FGF12: variants seen among roughly 807,000 people sequenced by gnomAD.
The protein encoded by FGF12 is fibroblast growth factor 12B.
A neutral mutation model predicts 23.6 loss-of-function variants in FGF12; 14 were observed. That is an observed-to-expected ratio of 0.59 (90% CI 0.39 to 0.93). FGF12 has a LOEUF of 0.93. Among genes scored for constraint, FGF12 ranks in the 40% least tolerant of loss-of-function variants. The pLI is 0.00. For missense variants in FGF12, 175 were observed against 217.8 expected, an observed-to-expected ratio of 0.80 and a Z score of 1.24; for synonymous variants, 62 against 77.3, an observed-to-expected ratio of 0.80 and a Z score of 1.04.
Position 192,288,026 on chromosome 3 carries a change from T to A in FGF12, c.228+47335A>T, listed in dbSNP as rs1186297199. On this transcript the variant is annotated intron_variant, in intron 4 of 5. Transcript: ENST00000445105. ...TATTGTTTAATAAGGCACTAATCAC[T>A]AATCACTCCTAGAAATAAGTTGAAG... is the stretch of plus-strand genomic sequence containing the variant. Among the ~76,000 whole-genome samples the A allele has an allele frequency of 2.8e-4, 42 of 151,430 alleles. 1 individual carries two copies.
At chr3:192,252,462 CAAAAAAAAAA>C (rs56920518) in intron 4 of FGF12, among the ~76,000 whole-genome samples, 1,415 of 27,530 alleles carry the variant, frequency 0.051, 41 homozygotes, top group African/African-American at 0.15. Context: ...GAATCTGTCT[CAAAAAAAAAA>C]AAAAAAAAAA....
intron 2 of FGF12, among the ~76,000 whole-genome samples, chr3:192,671,214 C>G (rs1351465741): frequency 6.6e-6 from 1 of 152,188 alleles, no homozygotes; most frequent in Admixed American, 6.5e-5. Flanking sequence ...TGAAGTTAGA[C>G]AGCAGGAAAA....
intron 2 of FGF12, among the ~76,000 whole-genome samples, chr3:192,558,657 G>C (rs886981699): frequency 6.6e-6 from 1 of 151,680 alleles, no homozygotes; most frequent in African/African-American, 2.4e-5. Flanking sequence ...TGATTTGAGA[G>C]AGAAGAATAA....
chr3:192,305,673 A>ATATAT (rs1220775469), intron 4 of FGF12, among the ~76,000 whole-genome samples: 2 of 117,692 alleles, frequency 1.7e-5, no homozygotes, highest in East Asian at 5.8e-4. Context: ...TAGGAAAAAA[A>ATATAT]AAAAAAATAT....
intron 5 of FGF12, among the ~76,000 whole-genome samples, chr3:192,163,621 G>C (rs141650150): frequency 3.9e-5 from 6 of 152,184 alleles, no homozygotes; most frequent in African/African-American, 1.4e-4. Flanking sequence ...TAGAGTCCTA[G>C]GTCATACATA....
intron 2 of FGF12, among the ~76,000 whole-genome samples, chr3:192,703,812 G>A (rs568477997): frequency 1.8e-4 from 28 of 152,244 alleles, no homozygotes; most frequent in Admixed American, 1.8e-3. Context: ...GAGATCTGAT[G>A]GTTTTATAAG....
At chr3:192,466,792 G>A (rs1169325634) in intron 2 of FGF12, among the ~76,000 whole-genome samples, 3 of 152,180 alleles carry the variant, frequency 2.0e-5, no homozygotes, top group African/African-American at 7.2e-5. Context: ...GGGTATGGAA[G>A]AGTTGAAATC....
At chr3:192,484,828 T>C (rs920195198) in intron 2 of FGF12, among the ~76,000 whole-genome samples, 1 of 152,198 alleles carries the variant, frequency 6.6e-6, no homozygotes, top group Admixed American at 6.6e-5. Context: ...ACTGTGCAAC[T>C]TGTTGGCTAT....
chr3:192,397,706 A>G (rs1720583725), intron 2 of FGF12, among the ~76,000 whole-genome samples: 1 of 152,170 alleles, frequency 6.6e-6, no homozygotes, highest in Admixed American at 6.5e-5. Flanking sequence ...CAAATGTAAT[A>G]TTGTATGTAG....
chr3:192,600,449 A>G (rs774544764), intron 2 of FGF12, among the ~76,000 whole-genome samples: 12 of 152,074 alleles, frequency 7.9e-5, no homozygotes, highest in Admixed American at 3.9e-4. Context: ...TTTGATAGAG[A>G]TTTCACTGAA....
Position 192,351,472 on chromosome 3 carries a change from T to A in FGF12, c.124+8956A>T, listed in dbSNP as rs537685616. Among the ~76,000 whole-genome samples the A allele has an allele frequency of 1.3e-3, 196 of 152,320 alleles. No individual in the cohort carries two copies. The Middle Eastern group carries it at 0.017, about 13-fold the overall frequency. ...TCGTTTAAAGTTCTGTTCTGTTATT[T>A]TGATTTAACAAACATTGAGTGAAAG... is the stretch of plus-strand genomic sequence containing the variant. On this transcript the variant is annotated intron_variant, in intron 3 of 5. Transcript: ENST00000445105.
intron 2 of FGF12, among the ~76,000 whole-genome samples, chr3:192,545,722 T>A (rs912325357): frequency 6.6e-6 from 1 of 152,226 alleles, no homozygotes; most frequent in Admixed American, 6.5e-5. Context: ...TGCTGGTACT[T>A]TAAGGAGACA....
intron 4 of FGF12, among the ~76,000 whole-genome samples, chr3:192,182,993 T>A (rs901058868): frequency 1.3e-5 from 2 of 152,210 alleles, no homozygotes; most frequent in Admixed American, 1.3e-4. Context: ...AAATTATACA[T>A]TCATCTAAAC....
intron 2 of FGF12, among the ~76,000 whole-genome samples, chr3:192,511,704 A>G (rs1432060161): frequency 6.6e-6 from 1 of 152,206 alleles, no homozygotes; most frequent in Non-Finnish European, 1.5e-5. Flanking sequence ...ATGCTTAAAA[A>G]AATTCATTTT....
chr3:192,563,609 C>G (rs2108596451), intron 2 of FGF12, among the ~76,000 whole-genome samples: 1 of 152,312 alleles, frequency 6.6e-6, no homozygotes, highest in South Asian at 2.1e-4. Context: ...AGTATGAACA[C>G]AATTACATAG....
intron 4 of FGF12, among the ~76,000 whole-genome samples, chr3:192,202,349 C>T (rs9846339): frequency 0.018 from 2,765 of 152,250 alleles, 92 homozygotes; most frequent in African/African-American, 0.064. Context: ...GTCATGAGTA[C>T]TTTGTCTACA....
At chr3:192,636,310 T>C (rs1481720646) in intron 2 of FGF12, among the ~76,000 whole-genome samples, 3 of 152,192 alleles carry the variant, frequency 2.0e-5, no homozygotes, top group Non-Finnish European at 4.4e-5. Flanking sequence ...AAAGTTGAAA[T>C]TTATTTCCTT....
intron 4 of FGF12, among the ~76,000 whole-genome samples, chr3:192,206,300 T>C (rs1455187208): frequency 1.3e-5 from 2 of 152,190 alleles, no homozygotes; most frequent in East Asian, 1.9e-4. Flanking sequence ...TCATAGATCA[T>C]AGCTCTAGTC....
At chr3:192,503,036 C>T (rs763711029) in intron 2 of FGF12, among the ~76,000 whole-genome samples, 17 of 152,146 alleles carry the variant, frequency 1.1e-4, no homozygotes, top group Non-Finnish European at 8.8e-5. Context: ...AAAGTTCTTG[C>T]GCCTCAGCGG....
Sources: gnomAD v4.1 joint callset for allele counts (sites outside exome capture counted in the v4.1 genomes callset) on GRCh38, gnomAD v4.1.1 for gene constraint, MANE v1.5 for transcripts, NCBI Gene and HGNC (gene_info 2026-07-23, HGNC 2026-07-21) for gene names.